The following FNDC3B variants were observed in gnomAD, a reference collection of about 807,000 sequenced individuals.
FNDC3B encodes fibronectin type III domain containing 3B.
FNDC3B carries 12 observed loss-of-function variants against 151.5 expected under a neutral mutation model. That is an observed-to-expected ratio of 0.08 (90% confidence interval 0.05 to 0.13). The LOEUF (loss-of-function observed/expected upper bound fraction) is 0.13, where lower values mean the gene tolerates loss of function less well. FNDC3B is among the 10% of genes least tolerant of loss of function. FNDC3B has a pLI of 1.00. For missense variants in FNDC3B, 1,214 were observed against 1,505.3 expected, an observed-to-expected ratio of 0.81 and a Z score of 3.20; for synonymous variants, 528 against 549.0, an observed-to-expected ratio of 0.96 and a Z score of 0.54.
chr3:172,054,296 G>GTGACCTCAGGATTCAGAGGAACCTTGTGC (rs1716808178), intron 1 of FNDC3B, among the ~76,000 whole-genome samples: 1 of 152,218 alleles, frequency 6.6e-6, no homozygotes. Flanking sequence ...TTAATTAAAG[G>GTGACCTCAGGATTCAGAGGAACCTTGTGC]TGACCTCAGG....
At chr3:172,231,561 G>A (rs894475033) in intron 4 of FNDC3B, among the ~76,000 whole-genome samples, 2 of 152,310 alleles carry the variant, frequency 1.3e-5, no homozygotes, top group African/African-American at 4.8e-5. Context: ...AGTTATTGGT[G>A]GTGGTGATGG....
intron 4 of FNDC3B, among the ~76,000 whole-genome samples, chr3:172,229,349 G>A (rs1470794003): frequency 1.3e-5 from 2 of 152,130 alleles, no homozygotes; most frequent in Non-Finnish European, 2.9e-5. Context: ...TACCTCTCAA[G>A]AGGCACCTTT....
At chr3:172,072,891 T>C (rs1383899218) in intron 1 of FNDC3B, among the ~76,000 whole-genome samples, 1 of 152,216 alleles carries the variant, frequency 6.6e-6, no homozygotes, top group African/African-American at 2.4e-5. Flanking sequence ...ATGCCTCTTA[T>C]GATGTGCTTT....
rs63198561 is a variant in FNDC3B at position 172,362,375 on chromosome 3, A to ATT, written c.2796-251_2796-250dup. Among the ~76,000 whole-genome samples the ATT allele has an allele frequency of 1.8e-3, 276 of 151,474 alleles. 1 individual carries two copies. The highest frequency in any genetic ancestry group is 6.8e-3 in the Middle Eastern group (2 of 292). ...ATATCTTCCCTGAGACAACAAACCTATTTTTTTTAAATTAAAGAACTAAGA... is the reference window on the plus strand; with the variant it reads ...ATATCTTCCCTGAGACAACAAACCTATTTTTTTTTTAAATTAAAGAACTAAGA... On this transcript the variant is annotated intron_variant, in intron 22 of 25. Coordinates refer to ENST00000415807, the MANE Select transcript of FNDC3B (RefSeq NM_022763.4).
At chr3:172,149,667 A>G (rs1218904671) in intron 3 of FNDC3B, among the ~76,000 whole-genome samples, 1 of 152,108 alleles carries the variant, frequency 6.6e-6, no homozygotes, top group Admixed American at 6.5e-5. Flanking sequence ...TAGGTCCTAC[A>G]TAAATTTCTC....
At chr3:172,344,805 T>TATATA (rs567683569) in intron 19 of FNDC3B, among the ~76,000 whole-genome samples, 48 of 152,334 alleles carry the variant, frequency 3.2e-4, no homozygotes, top group African/African-American at 1.1e-3. Flanking sequence ...TATGTCTATG[T>TATATA]TATATCCATA....
chr3:172,071,860 G>C (rs1032216887), intron 1 of FNDC3B, among the ~76,000 whole-genome samples: 6 of 151,944 alleles, frequency 3.9e-5, no homozygotes, highest in African/African-American at 1.5e-4. Context: ...GGTCTTACGA[G>C]GATAGATGTT....
rs58753940 is a variant in FNDC3B at position 172,298,709 on chromosome 3, GA to G, written c.1002-17del. ...TTTGAAACTGGAATTAGCAACTAAT[GA>G]ATGCTTTTTCTTTACAGTGGAGAAG... On this transcript the variant is annotated intron_variant, in intron 8 of 25. Transcript: ENST00000415807. 2,254 of 1,587,866 alleles carry G rather than the reference GA, an allele frequency of 1.4e-3. 29 individuals are homozygous for G. The African/African-American group carries it at 0.026, about 18-fold the overall frequency.
chr3:172,292,943 G>A (rs1326087559), intron 7 of FNDC3B, among the ~76,000 whole-genome samples: 2 of 152,140 alleles, frequency 1.3e-5, no homozygotes, highest in African/African-American at 4.8e-5. Flanking sequence ...TGGAAAATAG[G>A]CAAGAGTACA....
At chr3:172,225,216 C>T (rs906423777) in intron 3 of FNDC3B, among the ~76,000 whole-genome samples, 2 of 152,288 alleles carry the variant, frequency 1.3e-5, no homozygotes, top group Admixed American at 6.5e-5. Context: ...GCTCTGTGCG[C>T]AGGCTGGAGT....
intron 1 of FNDC3B, among the ~76,000 whole-genome samples, chr3:172,098,682 A>G (rs1165033186): frequency 6.6e-6 from 1 of 152,152 alleles, no homozygotes; most frequent in Non-Finnish European, 1.5e-5. Flanking sequence ...ATACCCTGAG[A>G]GATTATCTAG....
intron 16 of FNDC3B, among the ~76,000 whole-genome samples, chr3:172,339,579 A>T (rs1733182425): frequency 6.6e-6 from 1 of 151,878 alleles, no homozygotes; most frequent in Non-Finnish European, 1.5e-5. Context: ...AAAAACAAAA[A>T]ACAAACAAAC....
At chr3:172,388,810 G>C (rs1301060112) in intron 25 of FNDC3B, among the ~76,000 whole-genome samples, 2 of 152,190 alleles carry the variant, frequency 1.3e-5, no homozygotes, top group African/African-American at 2.4e-5. Context: ...TTGTCCTGGA[G>C]TGTTACACAT....
At chr3:172,178,489 C>G (rs985182055) in intron 3 of FNDC3B, among the ~76,000 whole-genome samples, 2 of 152,058 alleles carry the variant, frequency 1.3e-5, no homozygotes, top group African/African-American at 4.8e-5. Flanking sequence ...CAAGACTTTT[C>G]AAATCAATAC....
chr3:172,307,559 G>A, intron 10 of FNDC3B, 58 bp downstream of exon 10: 2 of 1,578,522 alleles, frequency 1.3e-6, no homozygotes, highest in Non-Finnish European at 1.7e-6. Flanking sequence ...AGGTGTGGTG[G>A]CAACGTGTTC....
At chr3:172,281,830 GT>G (rs2108818962) in intron 6 of FNDC3B, among the ~76,000 whole-genome samples, 1 of 151,842 alleles carries the variant, frequency 6.6e-6, no homozygotes, top group East Asian at 1.9e-4. Context: ...TTTTTGTTTT[GT>G]TTGCTTATTT....
intron 13 of FNDC3B, among the ~76,000 whole-genome samples, chr3:172,332,347 A>C (rs1732725170): frequency 6.6e-6 from 1 of 152,242 alleles, no homozygotes; most frequent in African/African-American, 2.4e-5. Flanking sequence ...CAGCAGCTGT[A>C]GAAAGCCCTC....
intron 3 of FNDC3B, among the ~76,000 whole-genome samples, chr3:172,219,304 G>A (rs1008613959): frequency 2.0e-5 from 3 of 152,188 alleles, no homozygotes; most frequent in African/African-American, 7.2e-5. Context: ...CCTTTGCATA[G>A]CACAGTGTCT....
chr3:172,303,729 A>G (rs1484095189), intron 9 of FNDC3B, among the ~76,000 whole-genome samples: 1 of 149,760 alleles, frequency 6.7e-6, no homozygotes, highest in Admixed American at 6.6e-5. Flanking sequence ...TTATGTGGAA[A>G]AAAAAAAAAT....
Sources: allele counts gnomAD v4.1 joint callset (sites outside exome capture counted in the v4.1 genomes callset), GRCh38; gene constraint gnomAD v4.1.1; transcripts MANE v1.5; gene names NCBI Gene and HGNC (gene_info 2026-07-23, HGNC 2026-07-21).